LIG3: variants seen among roughly 807,000 people sequenced by gnomAD.
LIG3 encodes the protein ligase II, DNA, ATP-dependent.
Under a neutral mutation model 110.9 loss-of-function variants are expected in LIG3, and 58 were observed. That is an observed-to-expected ratio of 0.52 (90% CI 0.42 to 0.65). The LOEUF is 0.65. LIG3 is among the 30% of genes least tolerant of loss of function. LIG3 has a pLI of 0.00. For synonymous variants in LIG3, 422 were observed against 472.8 expected, an observed-to-expected ratio of 0.89 and a Z score of 1.39; for missense variants, 1,094 against 1,273.8, an observed-to-expected ratio of 0.86 and a Z score of 2.15.
intron 7 of LIG3, 99 bp from the exon 8 acceptor site, chr17:34,992,425 C>A: frequency 7.8e-7 from 1 of 1,278,914 alleles, no homozygotes; most frequent in Non-Finnish European, 1.1e-6. Flanking sequence ...CCCTTCCCTA[C>A]AGATGAGGAT....
Position 34,986,265 on chromosome 17 carries a change from C to T in LIG3, c.691+134C>T. 3.6e-6 allele frequency: 3 copies of T among 844,232 alleles called. No individual in the cohort carries two copies. The South Asian group carries it at 5.2e-5, about 15-fold the overall frequency. The allele number at this position is 844,232 out of a possible 1,614,324, so 52.3% of individuals were successfully genotyped here. A position where few individuals can be genotyped will look rare whatever the true frequency, so the allele number is the denominator to read the frequency against. On this transcript the variant is annotated intron_variant, in intron 3 of 19. Transcript: ENST00000378526. The stretch of plus-strand genomic sequence containing the variant: ...TAATTTGCTTCTGTCTGAGCAGAGA[C>T]TGGTAATGGCTAATTCTAAGCCTTC...
chr17:35,001,201 C>T (rs199825891), intron 16 of LIG3, 56 bp from the exon 17 acceptor site: 122 of 1,579,964 alleles, frequency 7.7e-5, no homozygotes, highest in Non-Finnish European at 3.0e-5. Flanking sequence ...CCACCACGCC[C>T]GGCCACTGAT....
chr17:34,987,863 T>A (rs2090673541), intron 3 of LIG3, among the ~76,000 whole-genome samples: 3 of 152,272 alleles, frequency 2.0e-5, no homozygotes, highest in Admixed American at 1.3e-4. Context: ...GAGATAACAT[T>A]GCAAAAACGG....
At chr17:34,992,829 A>G in intron 8 of LIG3, 137 bp downstream of exon 8, 2 of 851,564 alleles carry the variant, frequency 2.3e-6, no homozygotes, top group South Asian at 2.5e-5. Flanking sequence ...AGGGAGGTGC[A>G]AGGGGGTATT....
chr17:34,992,095 C>G, intron 7 of LIG3, 60 bp downstream of exon 7: 1 of 1,476,110 alleles, frequency 6.8e-7, no homozygotes, highest in African/African-American at 1.4e-5. Flanking sequence ...TTGTTCCCAA[C>G]TGGTGTCAGG....
chr17:34,982,999 C>G lies in LIG3; in HGVS notation c.-4-3C>G. On this transcript the variant is annotated splice_polypyrimidine_tract_variant and splice_region_variant and intron_variant, in intron 1 of 19. Coordinates refer to ENST00000378526, the MANE Select transcript of LIG3 (RefSeq NM_013975.4). ...TTTTTTGGCCTCCTACTCTTTCGTA[C>G]AGCTATATGTCTTTGGCTTTCAAGA... is the stretch of plus-strand genomic sequence containing the variant. 6.8e-7 allele frequency: 1 copy of G among 1,463,014 alleles called. No homozygotes were observed. The highest frequency in any genetic ancestry group is 9.1e-7 in the Non-Finnish European group (1 of 1,094,308). The allele number at this position is 1,463,014 out of a possible 1,614,324, so 90.6% of individuals were successfully genotyped here. A position where few individuals can be genotyped will look rare whatever the true frequency, so the allele number is the denominator to read the frequency against.
chr17:35,009,975 A>G (rs1464446360), downstream of LIG3: 3 of 152,692 alleles, frequency 2.0e-5, no homozygotes, highest in Non-Finnish European at 2.9e-5. Context: ...GGATGTCTTC[A>G]TGAGCAAATC....
chr17:35,005,606 A>G lies in LIG3; in HGVS notation c.*1100A>G. On this transcript the variant is annotated 3_prime_UTR_variant, in exon 20 of 20. Coordinates refer to ENST00000378526, the MANE Select transcript of LIG3 (RefSeq NM_013975.4). Reference sequence around the variant, plus strand: ...GGTTTAGGTTTCATAATGCTGGACCAGTCGAATGCACCAAATATCCCAAAA... The same window carrying G: ...GGTTTAGGTTTCATAATGCTGGACCGGTCGAATGCACCAAATATCCCAAAA... 1.7e-6 allele frequency: 1 copy of G among 579,520 alleles called. No individual in the cohort carries two copies. Among genetic ancestry groups the G allele is most frequent in the Non-Finnish European group, 3.5e-6 (1 of 288,688 alleles). The allele number at this position is 579,520 out of a possible 1,614,324, so 35.9% of individuals were successfully genotyped here. A position where few individuals can be genotyped will look rare whatever the true frequency, so the allele number is the denominator to read the frequency against.
At position 34,996,050 on chromosome 17, in the gene LIG3, C is replaced by T. The variant is rs2090773974; in HGVS notation, c.1612-14C>T. 1.2e-6 allele frequency: 2 copies of T among 1,610,064 alleles called. No individual in the cohort carries two copies. Among genetic ancestry groups the T allele is most frequent in the African/African-American group, 1.3e-5 (1 of 74,846 alleles). On this transcript the variant is annotated splice_polypyrimidine_tract_variant and intron_variant, in intron 9 of 19. Transcript: ENST00000378526. The stretch of plus-strand genomic sequence containing the variant: ...CCATGTCATCCCTCACCAAAGCTCC[C>T]CTTCTGCTTTCAGGTGGCCCACTTT...
chr17:35,008,594 C>T lies in LIG3; in HGVS notation c.*4088C>T, dbSNP rs1425568026. ...TACCCACATGCACCACCATGCACGG[C>T]TAATTTTTTGGTTTTTTTGGGTTTT... On this transcript the variant is annotated 3_prime_UTR_variant, in exon 20 of 20. Coordinates refer to ENST00000378526, the MANE Select transcript of LIG3 (RefSeq NM_013975.4). 6.6e-6 allele frequency: 1 copy of T among 152,012 alleles called. No individual in the cohort carries two copies. Among genetic ancestry groups the T allele is most frequent in the East Asian group, 1.9e-4 (1 of 5,184 alleles). The allele number at this position is 152,012 out of a possible 1,614,324, so 9.4% of individuals were successfully genotyped here.
Position 34,984,897 on chromosome 17 carries a change from C to T in LIG3, c.548-1091C>T, listed in dbSNP as rs1300726911. 3.3e-5 allele frequency among the ~76,000 whole-genome samples: 5 copies of T among 152,140 alleles called. No homozygotes were observed. In the South Asian group the frequency reaches 6.2e-4, roughly 19 times the overall value. On this transcript the variant is annotated intron_variant, in intron 2 of 19. Coordinates refer to ENST00000378526, the MANE Select transcript of LIG3 (RefSeq NM_013975.4). Reference sequence around the variant, plus strand: ...GGTTCAAGCAATTGTCCTGTCTCAGCCTCCCAAGTAGCTGGGACTACAGGC... The same window carrying T: ...GGTTCAAGCAATTGTCCTGTCTCAGTCTCCCAAGTAGCTGGGACTACAGGC...
At chr17:34,989,942 C>G in intron 4 of LIG3, 2 of 421,424 alleles carry the variant, frequency 4.7e-6, no homozygotes, top group Non-Finnish European at 8.7e-6. Context: ...AAGAACCCAT[C>G]CTATTTGACT....
At chr17:35,001,576 G>A (rs1208170888) in intron 17 of LIG3, among the ~76,000 whole-genome samples, 173 bp downstream of exon 17, 1 of 152,172 alleles carries the variant, frequency 6.6e-6, no homozygotes, top group African/African-American at 2.4e-5. Flanking sequence ...CAGGGGCACA[G>A]CACTAGACCT....
chr17:34,995,890 C>T (rs542290080), intron 9 of LIG3, among the ~76,000 whole-genome samples, 174 bp from the exon 10 acceptor site: 1 of 152,348 alleles, frequency 6.6e-6, no homozygotes, highest in African/African-American at 2.4e-5. Flanking sequence ...AAACAGATGG[C>T]CTCTCCCTCT....
chr17:34,982,865 C>T, intron 1 of LIG3, 137 bp from the exon 2 acceptor site: 1 of 625,290 alleles, frequency 1.6e-6, no homozygotes, highest in Non-Finnish European at 2.6e-6. Context: ...GTAGAGTAGA[C>T]TATGAATGTA....
In LIG3 at chr17:34,999,429, G is replaced by C. The variant is rs2090816149; in HGVS notation, c.2236G>C (p.Asp746His). Reference sequence around the variant, plus strand: ...GCTTGCCCGCCTGCAGAATGAACTAGACATGGTGAAGATCAGCAAGGTGAG... The same window carrying C: ...GCTTGCCCGCCTGCAGAATGAACTACACATGGTGAAGATCAGCAAGGTGAG... ...ATLARLQNEL[D>H]MVKISKDPSK... The change falls in exon 15 of 20, where the codon GAC becomes CAC. Residue 746 changes from aspartate (D) to histidine (H), a missense_variant. By Grantham distance (81) the Asp-to-His change is moderately conservative. Coordinates refer to ENST00000378526, the MANE Select transcript of LIG3 (RefSeq NM_013975.4). 6.2e-7 allele frequency: 1 copy of C among 1,614,082 alleles called. No homozygotes were observed. Among genetic ancestry groups the C allele is most frequent in the East Asian group, 2.2e-5 (1 of 44,886 alleles).
intron 1 of LIG3, chr17:34,981,265 C>G (rs1182327198): frequency 6.6e-6 from 1 of 152,298 alleles, no homozygotes; most frequent in Non-Finnish European, 1.5e-5. Context: ...TATTGGGGCC[C>G]TAGAGGTTGC....
Position 35,004,743 on chromosome 17 carries a change from CTT to C in LIG3, c.*241_*242del. On this transcript the variant is annotated 3_prime_UTR_variant, in exon 20 of 20. Coordinates refer to ENST00000378526, the MANE Select transcript of LIG3 (RefSeq NM_013975.4). ...CAGAGCTGGGTGCTGGGTTTGCCATCTTTTTGTTTTCTTTGAAAAGCAGCTTA... is the reference window on the plus strand; with the variant it reads ...CAGAGCTGGGTGCTGGGTTTGCCATCTTTGTTTTCTTTGAAAAGCAGCTTA... 1 of 497,126 alleles carries C rather than the reference CTT, an allele frequency of 2.0e-6. No individual in the cohort carries two copies. The allele number at this position is 497,126 out of a possible 1,614,324, so 30.8% of individuals were successfully genotyped here. A position where few individuals can be genotyped will look rare whatever the true frequency, so the allele number is the denominator to read the frequency against.
Position 35,008,432 on chromosome 17 carries a change from G to A in LIG3, c.*3926G>A, listed in dbSNP as rs542966247. 6.6e-6 allele frequency: 1 copy of A among 151,390 alleles called. No individual in the cohort carries two copies. Among genetic ancestry groups the A allele is most frequent in the Non-Finnish European group, 1.5e-5 (1 of 67,870 alleles). The allele number at this position is 151,390 out of a possible 1,614,324, so 9.4% of individuals were successfully genotyped here. On this transcript the variant is annotated 3_prime_UTR_variant, in exon 20 of 20. Coordinates refer to ENST00000378526, the MANE Select transcript of LIG3 (RefSeq NM_013975.4). ...AGGATTAGCTTGTGGTTTATCAGTT[G>A]TCAATTTTTTTTTTTTTTTAATACA... is the stretch of plus-strand genomic sequence containing the variant.
Sources: allele counts gnomAD v4.1 joint callset (sites outside exome capture counted in the v4.1 genomes callset), GRCh38; gene constraint gnomAD v4.1.1; transcripts MANE v1.5; gene names NCBI Gene and HGNC (gene_info 2026-07-23, HGNC 2026-07-21).